The following RTBDN variants were observed in gnomAD, a reference collection of about 807,000 sequenced individuals.
The protein encoded by RTBDN is retbindin.
In RTBDN, 24 loss-of-function variants were observed where a neutral mutation model predicts 21.9. The ratio of observed to expected loss-of-function variants is 1.10; its 90% confidence interval spans 0.79 to 1.54. The LOEUF (loss-of-function observed/expected upper bound fraction) is 1.54, where lower values mean the gene tolerates loss of function less well. Among genes scored for constraint, RTBDN ranks in the 40% most tolerant of loss-of-function variants. The probability of loss-of-function intolerance (pLI) is 0.00; values close to 1 mark genes in which losing one functional copy is unlikely to be tolerated. For synonymous variants in RTBDN, 141 were observed against 125.9 expected (o/e 1.12, Z -0.80); for missense variants, 325 against 315.2 (o/e 1.03, Z -0.23).
upstream of RTBDN, chr19:12,834,702 G>A (rs1485524458): frequency 2.5e-5 from 39 of 1,546,714 alleles, no homozygotes; most frequent in Admixed American, 4.7e-4. The surrounding 1 kb of genome is among the most constrained non-coding windows in gnomAD (Gnocchi z 4.7). Context: ...GGAGCCGTGC[G>A]TCCACTGCAC....
At chr19:12,829,705 T>C (rs1969482117) in intron 2 of RTBDN, 106 bp downstream of exon 2, 1 of 1,180,186 alleles carries the variant, frequency 8.5e-7, no homozygotes, top group Admixed American at 2.4e-5. Flanking sequence ...CCTCCCACCT[T>C]GGTGGCCATG....
chr19:12,831,273 C>T (rs28510309), intron 1 of RTBDN, among the ~76,000 whole-genome samples: 6,688 of 152,188 alleles, frequency 0.044, 169 homozygotes, highest in Admixed American at 0.061. Flanking sequence ...TGTTTGTGTG[C>T]ACACATTATG....
chr19:12,826,927 ATTCTGGCTC>A, intron 4 of RTBDN, 56 bp from the exon 5 acceptor site: 1 of 1,251,026 alleles, frequency 8.0e-7, no homozygotes, highest in Middle Eastern at 2.6e-4. Flanking sequence ...TTCCAGCGCG[ATTCTGGCTC>A]TTCTAGACTG....
intron 1 of RTBDN, among the ~76,000 whole-genome samples, chr19:12,833,756 G>A (rs1258080487): frequency 2.4e-5 from 3 of 123,068 alleles, no homozygotes; most frequent in Admixed American, 9.9e-5. Flanking sequence ...CGCGGGCAGC[G>A]GTGGCTGAGC....
In RTBDN at chr19:12,834,366, G is replaced by C. The variant is rs1969684277; in HGVS notation, c.-19+123C>G. On this transcript the variant is annotated intron_variant, in intron 1 of 5. Coordinates refer to ENST00000674343, the MANE Select transcript of RTBDN (RefSeq NM_001270441.2). The surrounding 1 kb of genome is among the most constrained non-coding windows in gnomAD (Gnocchi z 4.7). Reference sequence around the variant, plus strand: ...CGCAGAGCAAAGTTATTGCCCTAGGGCTCATGCCCCTCGGGGCCATCGGCG... The same window carrying C: ...CGCAGAGCAAAGTTATTGCCCTAGGCCTCATGCCCCTCGGGGCCATCGGCG... The C allele has an allele frequency of 8.3e-6, 6 of 727,254 alleles. No individual in the cohort carries two copies. Among genetic ancestry groups the C allele is most frequent in the Non-Finnish European group, 1.4e-5 (6 of 433,040 alleles). 45.1% of individuals were successfully genotyped at this position (727,254 alleles called of 1,614,324 possible). A position where few individuals can be genotyped will look rare whatever the true frequency, so the allele number is the denominator to read the frequency against.
Position 12,828,724 on chromosome 19 carries a change from G to A in RTBDN, c.298C>T (p.Arg100Cys). 3 of 1,614,228 alleles carry A rather than the reference G, an allele frequency of 1.9e-6. No individual in the cohort carries two copies. Among genetic ancestry groups the A allele is most frequent in the Non-Finnish European group, 2.5e-6 (3 of 1,180,046 alleles). The change falls in exon 4 of 6, where the codon CGC becomes TGC. Residue 100 changes from arginine (R) to cysteine (C), a missense_variant. Physicochemically the swap from Arg to Cys is radical, Grantham distance 180 (BLOSUM62 -3). Transcript: ENST00000674343. ...LEHLQRALRS[R>C]FRLRLLGVRQ... is the part of the protein sequence containing the mutation. ...ACCCCCAATAGCCGCAGGCGGAAGC[G>A]ACTGCGAAGGGCACGTTGGAGGTGT...
chr19:12,830,130 C>G lies in RTBDN; in HGVS notation c.-18-133G>C. The G allele has an allele frequency of 7.8e-7, 1 of 1,277,978 alleles. No homozygotes were observed. Among genetic ancestry groups the G allele is most frequent in the Non-Finnish European group, 1.0e-6 (1 of 953,820 alleles). 79.2% of individuals were successfully genotyped at this position (1,277,978 alleles called of 1,614,324 possible). A position where few individuals can be genotyped will look rare whatever the true frequency, so the allele number is the denominator to read the frequency against. ...CTGAGGAGGAGGCTGGGGCAGTGGC[C>G]AAGGACGTTCAAATCCCAGGAGACC... is the stretch of plus-strand genomic sequence containing the variant. On this transcript the variant is annotated intron_variant, in intron 1 of 5. Transcript: ENST00000674343. The surrounding 1 kb of genome is among the most constrained non-coding windows in gnomAD (Gnocchi z 4.2).
In RTBDN at chr19:12,826,764, C is replaced by T. The variant is rs747059464; in HGVS notation, c.462+11G>A. 2.0e-6 allele frequency: 3 copies of T among 1,513,920 alleles called. No homozygotes were observed. The highest frequency in any genetic ancestry group is 2.7e-6 in the Non-Finnish European group (3 of 1,113,148). The allele number at this position is 1,513,920 out of a possible 1,614,324, so 93.8% of individuals were successfully genotyped here. A position where few individuals can be genotyped will look rare whatever the true frequency, so the allele number is the denominator to read the frequency against. On this transcript the variant is annotated intron_variant, in intron 5 of 5. Coordinates refer to ENST00000674343, the MANE Select transcript of RTBDN (RefSeq NM_001270441.2). ...TCAGTCTCTTCCCTTCACCTTCTGC[C>T]CCACGCTCACCTGTCCATAGGTAAG...
intron 2 of RTBDN, chr19:12,829,157 A>C: frequency 5.8e-6 from 5 of 864,644 alleles, no homozygotes; most frequent in Non-Finnish European, 8.5e-6. Context: ...CTTACTTGTC[A>C]TGTGCCTGGT....
At chr19:12,832,373 A>T (rs902677809) in intron 1 of RTBDN, among the ~76,000 whole-genome samples, 8 of 152,140 alleles carry the variant, frequency 5.3e-5, no homozygotes, top group African/African-American at 1.9e-4. Flanking sequence ...ACACCCAGTG[A>T]TGTGCTGGAG....
rs368678979 is a variant in RTBDN, at chr19:12,828,706, A to G, written c.316T>C (p.Leu106=). 2.5e-6 allele frequency: 4 copies of G among 1,614,086 alleles called. No individual in the cohort carries two copies. Among genetic ancestry groups the G allele is most frequent in the Middle Eastern group, 1.6e-4 (1 of 6,062 alleles). The change falls in exon 4 of 6, where the codon TTG becomes CTG. Residue 106 remains leucine (L), a synonymous_variant. Coordinates refer to ENST00000674343, the MANE Select transcript of RTBDN (RefSeq NM_001270441.2). The stretch of plus-strand genomic sequence containing the variant: ...AGCGGCTGTGCCTGGCGTACCCCCA[A>G]TAGCCGCAGGCGGAAGCGACTGCGA... ...ALRSRFRLRL[L]GVRQAQPLCE...
upstream of RTBDN, chr19:12,834,902 C>G (rs1208581720): frequency 1.3e-6 from 2 of 1,595,088 alleles, no homozygotes; most frequent in South Asian, 1.1e-5. The surrounding 1 kb of genome is among the most constrained non-coding windows in gnomAD (Gnocchi z 4.7). Flanking sequence ...CCCAAACATC[C>G]CAGAGGGGAA....
Position 12,830,086 on chromosome 19 carries a change from C to A in RTBDN, c.-18-89G>T. ...TGCATACCCAAGAAGCAGTGCCAGG[C>A]AGAGTAGGGAAAGTGCAGCTGAGGA... On this transcript the variant is annotated intron_variant, in intron 1 of 5. Coordinates refer to ENST00000674343, the MANE Select transcript of RTBDN (RefSeq NM_001270441.2). The surrounding 1 kb of genome is among the most constrained non-coding windows in gnomAD (Gnocchi z 4.2). The A allele has an allele frequency of 6.9e-7, 1 of 1,449,816 alleles. No homozygotes were observed. The highest frequency in any genetic ancestry group is 9.4e-7 in the Non-Finnish European group (1 of 1,068,524). 89.8% of individuals were successfully genotyped at this position (1,449,816 alleles called of 1,614,324 possible).
rs752060355 is a variant in RTBDN, at chr19:12,829,777, G to A, written c.169+34C>T. 3 of 1,584,212 alleles carry A rather than the reference G, an allele frequency of 1.9e-6. No individual in the cohort carries two copies. The African/African-American group carries it at 4.0e-5, about 21-fold the overall frequency. ...TGGCAGGGTAGGTGTGGGTTTCTGG[G>A]TGTTGGTGGTGAGGCAGGGTCTGGG... On this transcript the variant is annotated intron_variant, in intron 2 of 5. Coordinates refer to ENST00000674343, the MANE Select transcript of RTBDN (RefSeq NM_001270441.2).
At chr19:12,827,459 A>T (rs1031545778) in intron 4 of RTBDN, among the ~76,000 whole-genome samples, 5 of 150,332 alleles carry the variant, frequency 3.3e-5, no homozygotes, top group Non-Finnish European at 7.4e-5. Context: ...AGTAGCTGGG[A>T]TTACAGGCGC....
intron 5 of RTBDN, chr19:12,826,203 A>C (rs1969290747): frequency 7.5e-7 from 1 of 1,334,192 alleles, no homozygotes; most frequent in African/African-American, 1.5e-5. Context: ...GTAGAGAGTG[A>C]CTGGGCTTCT....
In RTBDN at chr19:12,828,891, G is replaced by T; in HGVS notation, c.232C>A (p.Arg78Ser). ...CACTCAGGGCTCGGCACTCCACAGC[G>T]TTCTGGATGGTTTCCAGGGCCCGAT... ...ETSGPGNHPERCGVPSPECES... is the reference protein window; with the variant it reads ...ETSGPGNHPESCGVPSPECES... Residue 78 changes from arginine (R) to serine (S), a missense_variant, in exon 3 of 6, where the codon CGC becomes AGC. Transcript: ENST00000674343. 1 of 1,614,198 alleles carries T rather than the reference G, an allele frequency of 6.2e-7. No homozygotes were observed.
upstream of RTBDN, chr19:12,834,825 C>T (rs1195690346): frequency 2.5e-6 from 4 of 1,614,112 alleles, no homozygotes; most frequent in Admixed American, 1.7e-5. The surrounding 1 kb of genome is among the most constrained non-coding windows in gnomAD (Gnocchi z 4.7). Context: ...GAAGCGTCCT[C>T]TGCTCGTCTT....
rs764324477 is a variant in RTBDN at position 12,825,692 on chromosome 19, G to C, written c.*14C>G. 7 of 1,552,864 alleles carry C rather than the reference G, an allele frequency of 4.5e-6. No homozygotes were observed. The African/African-American group carries it at 9.6e-5, about 21-fold the overall frequency. ...GGGGAAGGGTCGCTCCCCCAACTCA[G>C]GGCCACGCGTCCGCTAGGGGCCGCT... On this transcript the variant is annotated 3_prime_UTR_variant, in exon 6 of 6. Transcript: ENST00000674343.
Sources: gnomAD v4.1 joint callset for allele counts (sites outside exome capture counted in the v4.1 genomes callset) on GRCh38, gnomAD v4.1.1 for gene constraint, Gnocchi (gnomAD v3.1) non-coding constraint, MANE v1.5 for transcripts, NCBI Gene and HGNC (gene_info 2026-07-23, HGNC 2026-07-21) for gene names.